The following TBX5 variants were observed in gnomAD, a reference collection of about 807,000 sequenced individuals.
TBX5 encodes T-box transcription factor 5.
TBX5 carries 8 observed loss-of-function variants against 51.1 expected under a neutral mutation model. That is an observed-to-expected ratio of 0.16 (90% CI 0.09 to 0.28). The LOEUF is 0.28. Ranked by LOEUF, TBX5 falls within the 10% of genes least tolerant of loss-of-function variation. TBX5 has a pLI of 1.00. For missense variants in TBX5, 589 were observed against 671.7 expected, an observed-to-expected ratio of 0.88 and a Z score of 1.36; for synonymous variants, 302 against 266.4, an observed-to-expected ratio of 1.13 and a Z score of -1.30.
chr12:114,358,625 G>A (rs1345909716), intron 8 of TBX5, among the ~76,000 whole-genome samples: 2 of 151,666 alleles, frequency 1.3e-5, no homozygotes, highest in African/African-American at 4.8e-5. Flanking sequence ...GGGACTTATA[G>A]GATACCAAAA....
Position 114,367,678 on chromosome 12 carries a change from G to A in TBX5, c.756-1287C>T, listed in dbSNP as rs555226738. Among the ~76,000 whole-genome samples, 220 of 151,258 alleles carry A rather than the reference G, an allele frequency of 1.5e-3. 1 individual carries two copies. The highest frequency in any genetic ancestry group is 0.014 in the Middle Eastern group (4 of 294). On this transcript the variant is annotated intron_variant, in intron 7 of 8. Transcript: ENST00000405440. ...AGGAGTAGAGAGAAGGTGGGGGTGG[G>A]GGTGCTTCAAGATAGAAGGGACAAA... is the stretch of plus-strand genomic sequence containing the variant.
intron 6 of TBX5, among the ~76,000 whole-genome samples, chr12:114,393,729 G>A (rs769912543): frequency 2.0e-5 from 3 of 152,102 alleles, no homozygotes; most frequent in Non-Finnish European, 4.4e-5. Context: ...CACAATCCAT[G>A]CGACAGCATA....
rs1001855385 is a variant in TBX5 at position 114,355,381 on chromosome 12, A to G, written c.*151T>C. ...GTTTCAAGCTACTGATTAGATCAGC[A>G]TCCAGCGACCTTGAGTGCAGATGTG... On this transcript the variant is annotated 3_prime_UTR_variant, in exon 9 of 9. Coordinates refer to ENST00000405440, the MANE Select transcript of TBX5 (RefSeq NM_181486.4). 24 of 953,880 alleles carry G rather than the reference A, an allele frequency of 2.5e-5. No homozygotes were observed. Among genetic ancestry groups the G allele is most frequent in the Non-Finnish European group, 3.9e-5 (24 of 614,234 alleles). The allele number at this position is 953,880 out of a possible 1,614,324, so 59.1% of individuals were successfully genotyped here.
intron 7 of TBX5, among the ~76,000 whole-genome samples, chr12:114,370,293 A>AAAAGAAAAC (rs1565929427): frequency 0.012 from 1,500 of 128,756 alleles, 120 homozygotes; most frequent in African/African-American, 0.039. Context: ...GAAAAGAAAG[A>AAAAGAAAAC]AAAGAAAAGA....
chr12:114,408,251 CAT>C (rs1050907076), upstream of TBX5: 1 of 976,152 alleles, frequency 1.0e-6, no homozygotes, highest in Admixed American at 6.2e-5. Flanking sequence ...TAAATAAAGA[CAT>C]AAACCAACCC....
chr12:114,364,478 C>T (rs1182062473), intron 8 of TBX5, among the ~76,000 whole-genome samples: 2 of 152,170 alleles, frequency 1.3e-5, no homozygotes, highest in East Asian at 1.9e-4. Flanking sequence ...AAAAATGAGG[C>T]TTGGAAAGGT....
chr12:114,386,356 C>CA (rs1375951438), intron 6 of TBX5, among the ~76,000 whole-genome samples: 2 of 152,152 alleles, frequency 1.3e-5, no homozygotes, highest in East Asian at 3.9e-4. Context: ...ACCCAGGTGA[C>CA]AGAAGGCAAC....
chr12:114,366,445 C>G lies in TBX5; in HGVS notation c.756-54G>C, dbSNP rs1307082490. On this transcript the variant is annotated intron_variant, in intron 7 of 8. Coordinates refer to ENST00000405440, the MANE Select transcript of TBX5 (RefSeq NM_181486.4). ...CTATCAGTGCCCTGATACAGATTTC[C>G]TGAGTGGCTGAACCAGGTGTGAGAG... 3 of 1,575,218 alleles carry G rather than the reference C, an allele frequency of 1.9e-6. No individual in the cohort carries two copies. The African/African-American group carries it at 4.0e-5, about 21-fold the overall frequency.
At chr12:114,370,536 G>T (rs1161824949) in intron 7 of TBX5, among the ~76,000 whole-genome samples, 1 of 152,036 alleles carries the variant, frequency 6.6e-6, no homozygotes, top group Non-Finnish European at 1.5e-5. Context: ...TGCTAGCATG[G>T]TCAGTTTCGG....
At chr12:114,368,941 G>C (rs774516611) in intron 7 of TBX5, among the ~76,000 whole-genome samples, 22 of 152,124 alleles carry the variant, frequency 1.4e-4, no homozygotes, top group Admixed American at 7.8e-4. Context: ...CTGGGGCCAG[G>C]AGGCTGAAGG....
At chr12:114,393,326 C>T (rs565602221) in intron 6 of TBX5, among the ~76,000 whole-genome samples, 1 of 152,204 alleles carries the variant, frequency 6.6e-6, no homozygotes, top group East Asian at 1.9e-4. Flanking sequence ...TCACAGATCC[C>T]ATATGGACCC....
chr12:114,370,937 C>T (rs1339954958), intron 7 of TBX5, among the ~76,000 whole-genome samples: 6 of 152,098 alleles, frequency 3.9e-5, no homozygotes, highest in South Asian at 2.1e-4. Flanking sequence ...ATACCCCTCC[C>T]GCCCTTCCTT....
chr12:114,407,998 A>T (rs1872333397), upstream of TBX5: 4 of 985,478 alleles, frequency 4.1e-6, no homozygotes, highest in Non-Finnish European at 4.8e-6. Flanking sequence ...GGTCTCCGAC[A>T]AATTAAATAT....
upstream of TBX5, chr12:114,408,185 G>A (rs1593892012): frequency 8.1e-6 from 8 of 985,364 alleles, no homozygotes; most frequent in Non-Finnish European, 9.6e-6. Context: ...CTCCGTCTTC[G>A]CCTATCAGTG....
chr12:114,394,786 A>C lies in TBX5; in HGVS notation c.618T>G (p.Phe206Leu), dbSNP rs533581420. 7 of 1,614,082 alleles carry C rather than the reference A, an allele frequency of 4.3e-6. No individual in the cohort carries two copies. Among genetic ancestry groups the C allele is most frequent in the Admixed American group, 3.3e-5 (2 of 60,004 alleles). The change falls in exon 6 of 9, where the codon TTT becomes TTG. Residue 206 changes from phenylalanine (F) to leucine (L), a missense_variant. By Grantham distance (22) the Phe-to-Leu change is conservative. Around this residue, in one of 7 missense-constraint regions of TBX5, gnomAD observed 17 missense variants for 17.6 expected, o/e 0.96. Transcript: ENST00000405440. ...TCACTGCTATAAACGCAGTCTCAGG[A>C]AAGACGTGAGTGCAGAACGCTGTAT... ...SKNTAFCTHVFPETAFIAVTS... is the reference protein window; with the variant it reads ...SKNTAFCTHVLPETAFIAVTS...
intron 8 of TBX5, among the ~76,000 whole-genome samples, chr12:114,360,435 A>G (rs1869167752): frequency 7.7e-6 from 1 of 130,016 alleles, no homozygotes; most frequent in African/African-American, 3.0e-5. Context: ...TTGGTGGATG[A>G]GTGGGTGGAT....
At chr12:114,371,007 G>A (rs1869871964) in intron 7 of TBX5, among the ~76,000 whole-genome samples, 1 of 151,920 alleles carries the variant, frequency 6.6e-6, no homozygotes. Flanking sequence ...GTCCCCATAA[G>A]CCCATTATAT....
chr12:114,357,275 G>T (rs1219475593), intron 8 of TBX5, among the ~76,000 whole-genome samples: 1 of 152,062 alleles, frequency 6.6e-6, no homozygotes, highest in East Asian at 1.9e-4. Flanking sequence ...GGGGCCACTG[G>T]CCCCTTTGAA....
upstream of TBX5, among the ~76,000 whole-genome samples, chr12:114,406,438 G>A (rs75606073): frequency 4.6e-3 from 706 of 152,196 alleles, 7 homozygotes; most frequent in African/African-American, 0.016. Flanking sequence ...TGACGCTGGC[G>A]GTGCAGAGAA....
Sources: gnomAD v4.1 joint callset for allele counts (sites outside exome capture counted in the v4.1 genomes callset) on GRCh38, gnomAD v4.1.1 for gene constraint, gnomAD v4.1.1 regional missense constraint, MANE v1.5 for transcripts, NCBI Gene and HGNC (gene_info 2026-07-23, HGNC 2026-07-21) for gene names.